Variants in CSMD1 observed in about 807,000 individuals in gnomAD.
CSMD1 encodes CUB and Sushi multiple domains 1, also known as CUB and sushi domain-containing protein 1.
Under a neutral mutation model 417.5 loss-of-function variants are expected in CSMD1, and 213 were observed. The observed-to-expected ratio is 0.51, with a 90% confidence interval of 0.46 to 0.57. The LOEUF (loss-of-function observed/expected upper bound fraction) is 0.57. Ranked by LOEUF, CSMD1 falls within the 20% of genes least tolerant of loss-of-function variation. The probability of loss-of-function intolerance (pLI) is 0.00; values close to 1 mark genes in which losing one functional copy is unlikely to be tolerated. For synonymous variants in CSMD1, 2,862 were observed against 1,736.8 expected, an observed-to-expected ratio of 1.65 and a Z score of -16.11; for missense variants, 6,923 against 4,529.7, an observed-to-expected ratio of 1.53 and a Z score of -15.17.
intron 7 of CSMD1, chr8:3,702,213 G>A (rs1398272561): frequency 6.6e-6 from 1 of 152,086 alleles, no homozygotes; most frequent in African/African-American, 2.4e-5. Context: ...ATCCTGCATG[G>A]CTACAAAGTG....
chr8:4,824,746 C>G (rs200014690), intron 1 of CSMD1, among the ~76,000 whole-genome samples: 1 of 152,140 alleles, frequency 6.6e-6, no homozygotes, highest in African/African-American at 2.4e-5. Context: ...ACTGCTGGAA[C>G]TTGTCACTCA....
intron 3 of CSMD1, among the ~76,000 whole-genome samples, chr8:4,081,883 G>C (rs1183690502): frequency 6.6e-6 from 1 of 152,060 alleles, no homozygotes; most frequent in Non-Finnish European, 1.5e-5. Context: ...AAAATGTGTT[G>C]GATTTAGTTA....
chr8:3,403,427 C>A (rs1366136544), intron 15 of CSMD1, among the ~76,000 whole-genome samples: 2 of 152,188 alleles, frequency 1.3e-5, no homozygotes, highest in Non-Finnish European at 2.9e-5. Context: ...TGAGGCTCAG[C>A]TGCACTCAGT....
At chr8:4,851,632 T>C (rs1022355683) in intron 1 of CSMD1, among the ~76,000 whole-genome samples, 3 of 152,128 alleles carry the variant, frequency 2.0e-5, no homozygotes, top group Non-Finnish European at 2.9e-5. Context: ...TAATAATCTA[T>C]GGGATTACCT....
chr8:4,688,417 C>T (rs962796697), intron 1 of CSMD1, among the ~76,000 whole-genome samples: 1 of 152,092 alleles, frequency 6.6e-6, no homozygotes, highest in Non-Finnish European at 1.5e-5. Flanking sequence ...ACCTGCTATA[C>T]CAAACCAAGA....
chr8:4,040,851 A>T (rs1206841202), intron 3 of CSMD1, among the ~76,000 whole-genome samples: 2 of 152,152 alleles, frequency 1.3e-5, no homozygotes, highest in African/African-American at 4.8e-5. Flanking sequence ...AATCGAAAAA[A>T]TAAAAATGCT....
intron 1 of CSMD1, among the ~76,000 whole-genome samples, chr8:4,977,620 C>A (rs1176516646): frequency 2.6e-5 from 4 of 152,164 alleles, no homozygotes; most frequent in East Asian, 1.9e-4. Flanking sequence ...ACGCACCCAC[C>A]CACAGCTGCT....
At chr8:4,491,510 C>T (rs1339966617) in intron 2 of CSMD1, among the ~76,000 whole-genome samples, 1 of 152,108 alleles carries the variant, frequency 6.6e-6, no homozygotes, top group Non-Finnish European at 1.5e-5. Flanking sequence ...AACTTCACCT[C>T]CTTCCTCCCA....
At chr8:4,167,981 T>G (rs750109142) in intron 3 of CSMD1, among the ~76,000 whole-genome samples, 1 of 151,726 alleles carries the variant, frequency 6.6e-6, no homozygotes. Context: ...TACAAAAAAT[T>G]AGCCAGGCGT....
intron 50 of CSMD1, among the ~76,000 whole-genome samples, chr8:3,031,974 G>GTATATATATATA (rs60178259): frequency 6.8e-6 from 1 of 146,604 alleles, no homozygotes; most frequent in African/African-American, 2.5e-5. Context: ...GTATGTGTGT[G>GTATATATATATA]TATATATATA....
chr8:3,515,941 G>C (rs1317674613), intron 10 of CSMD1, among the ~76,000 whole-genome samples: 4 of 152,192 alleles, frequency 2.6e-5, no homozygotes, highest in African/African-American at 9.6e-5. Context: ...ACTAGTATGT[G>C]TTTGAGTGAC....
intron 2 of CSMD1, among the ~76,000 whole-genome samples, chr8:4,575,084 A>G (rs567376257): frequency 6.6e-6 from 1 of 152,212 alleles, no homozygotes; most frequent in African/African-American, 2.4e-5. Flanking sequence ...AATAGAATCC[A>G]GCCAAAATGC....
chr8:4,550,135 G>C (rs1029043657), intron 2 of CSMD1, among the ~76,000 whole-genome samples: 1 of 151,648 alleles, frequency 6.6e-6, no homozygotes, highest in African/African-American at 2.4e-5. Context: ...CTCCTTTTCT[G>C]CTTGGTGTGG....
chr8:3,702,124 G>C (rs1800905943), intron 7 of CSMD1: 1 of 152,066 alleles, frequency 6.6e-6, no homozygotes, highest in Admixed American at 6.5e-5. Flanking sequence ...GGGCATAAAG[G>C]CAATGCATTA....
intron 65 of CSMD1, among the ~76,000 whole-genome samples, chr8:2,952,040 A>G (rs746350271): frequency 6.6e-6 from 1 of 152,236 alleles, no homozygotes; most frequent in Non-Finnish European, 1.5e-5. Context: ...TTCACGGCTT[A>G]AGAAAAAAAT....
intron 1 of CSMD1, among the ~76,000 whole-genome samples, chr8:4,716,593 G>T (rs539378593): frequency 6.6e-6 from 1 of 152,162 alleles, no homozygotes; most frequent in African/African-American, 2.4e-5. Flanking sequence ...TATTCTTATA[G>T]AAATGAGTAG....
At chr8:3,413,185 C>A (rs1432149231) in intron 12 of CSMD1, among the ~76,000 whole-genome samples, 1 of 152,158 alleles carries the variant, frequency 6.6e-6, no homozygotes, top group Non-Finnish European at 1.5e-5. Flanking sequence ...TATTAGCAAG[C>A]CTTAAATGTT....
At chr8:4,221,101 G>A (rs1038568629) in intron 3 of CSMD1, among the ~76,000 whole-genome samples, 1 of 152,064 alleles carries the variant, frequency 6.6e-6, no homozygotes, top group Admixed American at 6.5e-5. Context: ...AAACAAGAGA[G>A]GAATACAACG....
intron 37 of CSMD1, among the ~76,000 whole-genome samples, chr8:3,164,001 T>C (rs898825573): frequency 1.3e-5 from 2 of 152,192 alleles, no homozygotes; most frequent in Non-Finnish European, 2.9e-5. Context: ...TGATGGAGCC[T>C]GTAAGAGATG....
Sources: gnomAD v4.1 joint callset for allele counts (sites outside exome capture counted in the v4.1 genomes callset) on GRCh38, gnomAD v4.1.1 for gene constraint, MANE v1.5 for transcripts, NCBI Gene and HGNC (gene_info 2026-07-23, HGNC 2026-07-21) for gene names.